UBE2D4: variants seen among roughly 807,000 people sequenced by gnomAD.
UBE2D4 encodes the protein ubiquitin conjugating enzyme E2 D4, also known as ubiquitin-conjugating enzyme E2 D4.
In UBE2D4, 17 loss-of-function variants were observed where a neutral mutation model predicts 23.0. The ratio of observed to expected loss-of-function variants is 0.74; its 90% CI spans 0.51 to 1.11. The LOEUF is 1.11. Among genes scored for constraint, UBE2D4 ranks in the 50% least tolerant of loss-of-function variants. The pLI is 0.00. For missense variants in UBE2D4, 139 were observed against 181.8 expected (o/e 0.76, Z 1.35); for synonymous variants, 61 against 69.4 (o/e 0.88, Z 0.60).
intron 1 of UBE2D4, among the ~76,000 whole-genome samples, chr7:43,934,519 A>C (rs1441460853): frequency 6.6e-6 from 1 of 151,152 alleles, no homozygotes; most frequent in Non-Finnish European, 1.5e-5. Context: ...GTTTAAGCCT[A>C]AAATAATTCT....
At chr7:43,936,545 A>G (rs2095959197) in intron 1 of UBE2D4, among the ~76,000 whole-genome samples, 1 of 152,206 alleles carries the variant, frequency 6.6e-6, no homozygotes, top group South Asian at 2.1e-4. Flanking sequence ...AAATGTGCAC[A>G]GGATATACAG....
chr7:43,931,252 C>T (rs1208919076), intron 1 of UBE2D4, among the ~76,000 whole-genome samples: 1 of 152,130 alleles, frequency 6.6e-6, no homozygotes, highest in Non-Finnish European at 1.5e-5. Flanking sequence ...GCCTGGGCAA[C>T]ATGGCAAAAC....
intron 1 of UBE2D4, among the ~76,000 whole-genome samples, chr7:43,933,021 CAT>C (rs1410123124): frequency 7.8e-5 from 9 of 114,992 alleles, no homozygotes; most frequent in East Asian, 2.6e-4. Context: ...TATACACACA[CAT>C]ATATATACAC....
In UBE2D4 at chr7:43,955,684, GTCTC is replaced by G. The variant is rs1205229680; in HGVS notation, c.*2991_*2994del. 1 of 152,194 alleles carries G rather than the reference GTCTC, an allele frequency of 6.6e-6. No individual in the cohort carries two copies. Among genetic ancestry groups the G allele is most frequent in the Non-Finnish European group, 1.5e-5 (1 of 68,038 alleles). The allele number at this position is 152,194 out of a possible 1,614,324, so 9.4% of individuals were successfully genotyped here. A position where few individuals can be genotyped will look rare whatever the true frequency, so the allele number is the denominator to read the frequency against. ...CTGCAGAATTCCTTTCCTAGGGTCT[GTCTC>G]TGGTACCCAAAAGGGCAGAGAAGGA... On this transcript the variant is annotated 3_prime_UTR_variant, in exon 7 of 7. Transcript: ENST00000222402.
chr7:43,941,724 C>T (rs1002110531), intron 2 of UBE2D4: 2 of 152,170 alleles, frequency 1.3e-5, no homozygotes, highest in Admixed American at 1.3e-4. Context: ...GAAGCCTAGC[C>T]AAGGCTTAAT....
In UBE2D4 at chr7:43,944,243, A is replaced by G. The variant is rs990807882; in HGVS notation, c.198+1212A>G. ...CTAATTTTTGTGTTATTTTTAGTAG[A>G]GACAGGGTTTCACAATGTTGGCCAA... is the stretch of plus-strand genomic sequence containing the variant. On this transcript the variant is annotated intron_variant, in intron 4 of 6. Coordinates refer to ENST00000222402, the MANE Select transcript of UBE2D4 (RefSeq NM_015983.4). This position sits in a 1 kb window ranked among gnomAD's most constrained non-coding sequence, Gnocchi z 4.0. 1.3e-5 allele frequency: 2 copies of G among 152,148 alleles called. No homozygotes were observed. Among genetic ancestry groups the G allele is most frequent in the African/African-American group, 4.8e-5 (2 of 41,416 alleles). 9.4% of individuals were successfully genotyped at this position (152,148 alleles called of 1,614,324 possible).
intron 4 of UBE2D4, among the ~76,000 whole-genome samples, chr7:43,945,157 A>C (rs2095982884): frequency 6.6e-6 from 1 of 151,926 alleles, no homozygotes; most frequent in Non-Finnish European, 1.5e-5. Context: ...CACGCCGGCT[A>C]ATTTTTTGTA....
chr7:43,942,985 T>G lies in UBE2D4; in HGVS notation c.152T>G (p.Phe51Cys). The change falls in exon 4 of 7, where the codon TTC becomes TGC. Residue 51 changes from phenylalanine to cysteine, a missense_variant. Phe to Cys is a radical substitution (Grantham distance 205). Transcript: ENST00000222402. ...NDSPYQGGVF[F>C]LTIHFPTDYP... ...AGTCCTTACCAAGGAGGTGTTTTCTTCCTGACCATCCACTTTCCTACAGAT... is the reference window on the plus strand; with the variant it reads ...AGTCCTTACCAAGGAGGTGTTTTCTGCCTGACCATCCACTTTCCTACAGAT... The G allele has an allele frequency of 6.2e-7, 1 of 1,614,152 alleles. No individual in the cohort carries two copies. The highest frequency in any genetic ancestry group is 1.3e-5 in the African/African-American group (1 of 75,024).
In UBE2D4 at chr7:43,954,133, A is replaced by G. The variant is rs1010605926; in HGVS notation, c.*1438A>G. ...ACATAATCACTTCCTTAACAAAGGA[A>G]GAAGCACTTTTAACTTGGGCTGCAT... On this transcript the variant is annotated 3_prime_UTR_variant, in exon 7 of 7. Coordinates refer to ENST00000222402, the MANE Select transcript of UBE2D4 (RefSeq NM_015983.4). 2.0e-5 allele frequency: 3 copies of G among 152,198 alleles called. No homozygotes were observed. The highest frequency in any genetic ancestry group is 4.4e-5 in the Non-Finnish European group (3 of 68,024). 9.4% of individuals were successfully genotyped at this position (152,198 alleles called of 1,614,324 possible).
In UBE2D4 at chr7:43,942,990, ACCAT is replaced by A; in HGVS notation, c.161_164del (p.Ile54ThrfsTer43). Reference sequence around the variant, plus strand: ...TTACCAAGGAGGTGTTTTCTTCCTGACCATCCACTTTCCTACAGATTACCCGTTC... The same window carrying A: ...TTACCAAGGAGGTGTTTTCTTCCTGACCACTTTCCTACAGATTACCCGTTC... On this transcript the variant is annotated frameshift_variant, in exon 4 of 7. Coordinates refer to ENST00000222402, the MANE Select transcript of UBE2D4 (RefSeq NM_015983.4). LOFTEE classifies it high-confidence loss of function. 6.2e-7 allele frequency: 1 copy of A among 1,614,016 alleles called. No homozygotes were observed. The highest frequency in any genetic ancestry group is 1.1e-5 in the South Asian group (1 of 91,070).
chr7:43,937,436 A>T (rs2132764188), intron 1 of UBE2D4, among the ~76,000 whole-genome samples: 1 of 152,276 alleles, frequency 6.6e-6, no homozygotes, highest in Middle Eastern at 3.4e-3. Context: ...CCCAAGTTAA[A>T]TTCTCTTTTG....
chr7:43,932,114 T>C (rs890393081), intron 1 of UBE2D4, among the ~76,000 whole-genome samples: 10 of 152,154 alleles, frequency 6.6e-5, no homozygotes, highest in Middle Eastern at 6.8e-3. Flanking sequence ...TCAACCTCCC[T>C]GAGTAGCTGG....
At chr7:43,935,322 A>G (rs2095956085) in intron 1 of UBE2D4, among the ~76,000 whole-genome samples, 4 of 152,164 alleles carry the variant, frequency 2.6e-5, no homozygotes, top group Non-Finnish European at 5.9e-5. Flanking sequence ...TCTAAACCAC[A>G]TAGCTTTGGA....
chr7:43,935,391 T>A (rs1422737828), intron 1 of UBE2D4, among the ~76,000 whole-genome samples: 1 of 152,220 alleles, frequency 6.6e-6, no homozygotes, highest in Admixed American at 6.5e-5. Flanking sequence ...TATTATTAAT[T>A]CAACTTTTTA....
intron 6 of UBE2D4, chr7:43,952,256 A>G (rs1021963433): frequency 3.9e-5 from 8 of 207,584 alleles, no homozygotes; most frequent in South Asian, 9.3e-5. Context: ...CAGATTCCCA[A>G]GCCCTTGTTC....
At chr7:43,928,248 A>G in intron 1 of UBE2D4, 1 of 277,332 alleles carries the variant, frequency 3.6e-6, no homozygotes, top group South Asian at 2.8e-5. Context: ...CGACCCAGAT[A>G]CCTCCCACTA....
At chr7:43,942,693 C>T in intron 2 of UBE2D4, 133 bp from the exon 3 acceptor site, 1 of 1,311,266 alleles carries the variant, frequency 7.6e-7, no homozygotes, top group Admixed American at 1.7e-5. Flanking sequence ...TGGGGAACCC[C>T]AGTCTTGCAG....
chr7:43,948,912 A>C, intron 5 of UBE2D4, 175 bp downstream of exon 5: 1 of 577,596 alleles, frequency 1.7e-6, no homozygotes, highest in Non-Finnish European at 3.1e-6. Flanking sequence ...CAGCACCAGC[A>C]GAACTTTGTG....
At chr7:43,942,638 A>T (rs1281778561) in intron 2 of UBE2D4, 188 bp from the exon 3 acceptor site, 1 of 708,102 alleles carries the variant, frequency 1.4e-6, no homozygotes, top group African/African-American at 1.8e-5. Context: ...AACCACTTTC[A>T]GTGAGCTCTG....
Sources: gnomAD v4.1 joint callset for allele counts (sites outside exome capture counted in the v4.1 genomes callset) on GRCh38, gnomAD v4.1.1 for gene constraint, Gnocchi (gnomAD v3.1) non-coding constraint, MANE v1.5 for transcripts, NCBI Gene and HGNC (gene_info 2026-07-23, HGNC 2026-07-21) for gene names.